The following MED1 variants were observed in gnomAD, a reference collection of about 807,000 sequenced individuals.
MED1 encodes mediator of RNA polymerase II transcription subunit 1.
A neutral mutation model predicts 121.3 loss-of-function variants in MED1; 17 were observed. That is an observed-to-expected ratio of 0.14 (90% CI 0.10 to 0.21). MED1 has a LOEUF of 0.21. MED1 is among the 10% of genes least tolerant of loss of function. The pLI, the probability that MED1 is intolerant of heterozygous loss-of-function variation, is 1.00. For missense variants in MED1, 1,558 were observed against 1,919.4 expected (o/e 0.81, Z 3.52); for synonymous variants, 661 against 694.4 (o/e 0.95, Z 0.76).
Position 39,406,513 on chromosome 17 carries a change from C to T in MED1, c.*962G>A, listed in dbSNP as rs1361205915. The T allele has an allele frequency of 1.0e-6, 1 of 984,706 alleles. No homozygotes were observed. The highest frequency in any genetic ancestry group is 4.7e-5 in the South Asian group (1 of 21,248). The allele number at this position is 984,706 out of a possible 1,614,324, so 61.0% of individuals were successfully genotyped here. On this transcript the variant is annotated 3_prime_UTR_variant, in exon 17 of 17. Transcript: ENST00000300651. ...TCAGGAAGGCTGTCCTACACTAAAC[C>T]TTACTGCATCTGAAAACATGTTTAC...
In MED1 at chr17:39,447,142, G is replaced by A. The variant is rs141281631; in HGVS notation, c.132+656C>T. Among the ~76,000 whole-genome samples, 1,405 of 152,248 alleles carry A rather than the reference G, an allele frequency of 9.2e-3. 18 individuals carry two copies. The highest frequency in any genetic ancestry group is 0.032 in the African/African-American group (1,328 of 41,546). ...GCGGTGGCTCACGCCTGTAATCCCAGCACTTTGGGAGGCGAAGGCAGGTGG... is the reference window on the plus strand; with the variant it reads ...GCGGTGGCTCACGCCTGTAATCCCAACACTTTGGGAGGCGAAGGCAGGTGG... On this transcript the variant is annotated intron_variant, in intron 2 of 16. Transcript: ENST00000300651.
intron 6 of MED1, 143 bp from the exon 7 acceptor site, chr17:39,434,463 C>CT (rs2048599476): frequency 2.1e-6 from 1 of 487,032 alleles, no homozygotes; most frequent in Non-Finnish European, 3.7e-6. Flanking sequence ...CAAAAGTTTT[C>CT]TAGCATCAAT....
intron 14 of MED1, among the ~76,000 whole-genome samples, chr17:39,417,329 C>CA (rs34616503): frequency 0.057 from 7,886 of 138,058 alleles, 659 homozygotes; most frequent in African/African-American, 0.2. Flanking sequence ...GACTCCGTCT[C>CA]AAAAAAAAAA....
chr17:39,416,509 T>C (rs1213040200), intron 14 of MED1, among the ~76,000 whole-genome samples: 1 of 152,188 alleles, frequency 6.6e-6, no homozygotes, highest in Non-Finnish European at 1.5e-5. Context: ...TGCCTCTCTA[T>C]AGGATTAGCT....
chr17:39,415,402 G>T, intron 14 of MED1, 63 bp from the exon 15 acceptor site: 2 of 1,405,550 alleles, frequency 1.4e-6, no homozygotes, highest in South Asian at 1.2e-5. Context: ...GGCTGGGCAC[G>T]GTGGCTCACG....
At chr17:39,448,668 G>C (rs2048752854) in intron 1 of MED1, among the ~76,000 whole-genome samples, 1 of 152,128 alleles carries the variant, frequency 6.6e-6, no homozygotes, top group Non-Finnish European at 1.5e-5. Flanking sequence ...CCAGCACTTT[G>C]GGAGGCCAAG....
At chr17:39,416,456 G>C (rs1392196449) in intron 14 of MED1, among the ~76,000 whole-genome samples, 1 of 152,150 alleles carries the variant, frequency 6.6e-6, no homozygotes, top group Non-Finnish European at 1.5e-5. Context: ...AGATGTGCTA[G>C]CAGCCTAGAC....
rs1277277645 is a variant in MED1, at chr17:39,404,579, A to G, written c.*2896T>C. 6.6e-6 allele frequency: 1 copy of G among 152,284 alleles called. No individual in the cohort carries two copies. Among genetic ancestry groups the G allele is most frequent in the Non-Finnish European group, 1.5e-5 (1 of 68,024 alleles). 9.4% of individuals were successfully genotyped at this position (152,284 alleles called of 1,614,324 possible). On this transcript the variant is annotated 3_prime_UTR_variant, in exon 17 of 17. Transcript: ENST00000300651. ...GATGTTAAGTACTTCCTGCCCCTCCAAAACTAACTCAAGGATAGAAATGTA... is the reference window on the plus strand; with the variant it reads ...GATGTTAAGTACTTCCTGCCCCTCCGAAACTAACTCAAGGATAGAAATGTA...
intron 13 of MED1, among the ~76,000 whole-genome samples, chr17:39,421,741 T>G (rs1458990575): frequency 6.6e-6 from 1 of 152,020 alleles, no homozygotes; most frequent in East Asian, 1.9e-4. Context: ...TCAGGATCTT[T>G]CCAGATTCTA....
chr17:39,445,751 C>T (rs1449282879), intron 2 of MED1, among the ~76,000 whole-genome samples: 2 of 152,066 alleles, frequency 1.3e-5, no homozygotes, highest in Non-Finnish European at 2.9e-5. Context: ...ACAACCTGGG[C>T]CAGGCACAGG....
At position 39,410,471 on chromosome 17, in the gene MED1, C is replaced by A; in HGVS notation, c.1750G>T (p.Asp584Tyr). The A allele has an allele frequency of 6.2e-7, 1 of 1,614,098 alleles. No homozygotes were observed. ...TLFNMSMSIKDRHESVGHGED... is the reference protein window; with the variant it reads ...TLFNMSMSIKYRHESVGHGED... ...CCATGGCCCACCGACTCATGCCGAT[C>A]TTTGATGCTCATGCTCATATTAAAC... Residue 584 changes from aspartate (D) to tyrosine (Y), a missense_variant, in exon 17 of 17, where the codon GAT (aspartate) becomes TAT (tyrosine). Transcript: ENST00000300651.
At position 39,440,535 on chromosome 17, in the gene MED1, A is replaced by G. The variant is rs1326446520; in HGVS notation, c.267-17T>C. On this transcript the variant is annotated splice_polypyrimidine_tract_variant and intron_variant, in intron 4 of 16. Transcript: ENST00000300651. This position sits in a 1 kb window ranked among gnomAD's most constrained non-coding sequence, Gnocchi z 4.1. ...GAGCCCAGTCTAGCAGGAACAAATC[A>G]AAACAAAAATTAATAGAAGACACAT... 1.2e-6 allele frequency: 2 copies of G among 1,611,960 alleles called. No individual in the cohort carries two copies. The highest frequency in any genetic ancestry group is 2.2e-5 in the South Asian group (2 of 90,436).
At chr17:39,445,174 T>C (rs949095418) in intron 2 of MED1, among the ~76,000 whole-genome samples, 2 of 152,046 alleles carry the variant, frequency 1.3e-5, no homozygotes, top group Non-Finnish European at 2.9e-5. Flanking sequence ...TGTTTTGTCA[T>C]AAATTAATAA....
intron 11 of MED1, among the ~76,000 whole-genome samples, chr17:39,424,219 G>A (rs1231514049): frequency 1.3e-5 from 2 of 152,094 alleles, no homozygotes; most frequent in Non-Finnish European, 2.9e-5. Flanking sequence ...GTATCACACA[G>A]ACACATAAGT....
intron 16 of MED1, among the ~76,000 whole-genome samples, chr17:39,411,673 G>A (rs1020555758): frequency 6.6e-6 from 1 of 151,710 alleles, no homozygotes; most frequent in African/African-American, 2.4e-5. Context: ...GGTAATTACA[G>A]GGATACATAA....
rs377557882 is a variant in MED1 at position 39,407,241 on chromosome 17, T to A, written c.*234A>T. 9.6e-6 allele frequency: 9 copies of A among 940,880 alleles called. No homozygotes were observed. Among genetic ancestry groups the A allele is most frequent in the African/African-American group, 6.2e-5 (3 of 48,624 alleles). The allele number at this position is 940,880 out of a possible 1,614,324, so 58.3% of individuals were successfully genotyped here. A position where few individuals can be genotyped will look rare whatever the true frequency, so the allele number is the denominator to read the frequency against. On this transcript the variant is annotated 3_prime_UTR_variant, in exon 17 of 17. Coordinates refer to ENST00000300651, the MANE Select transcript of MED1 (RefSeq NM_004774.4). ...CTTTCTTAAGCAAGTATTTTAACTT[T>A]CTTTCTGGCACAGGAACAAAGAAGA...
chr17:39,410,871 G>C, intron 16 of MED1, 150 bp from the exon 17 acceptor site: 2 of 1,215,794 alleles, frequency 1.6e-6, no homozygotes, highest in Non-Finnish European at 2.2e-6. Context: ...AAATACCAGA[G>C]CTTTGGGTAA....
At chr17:39,450,311 A>G (rs2048770240) in intron 1 of MED1, among the ~76,000 whole-genome samples, 1 of 152,142 alleles carries the variant, frequency 6.6e-6, no homozygotes. Flanking sequence ...CTGCTGATAA[A>G]TATCTGTACT....
In MED1 at chr17:39,419,933, C is replaced by G; in HGVS notation, c.1096-15G>C. On this transcript the variant is annotated splice_polypyrimidine_tract_variant and intron_variant, in intron 13 of 16. Transcript: ENST00000300651. ...CCAGGAAGAGCCTGGGCAAAAAGAA[C>G]AGTTAACGAGTGCTATTTAGTTACC... The G allele has an allele frequency of 6.2e-7, 1 of 1,610,244 alleles. No homozygotes were observed. Among genetic ancestry groups the G allele is most frequent in the Non-Finnish European group, 8.5e-7 (1 of 1,176,776 alleles).
Sources: allele counts gnomAD v4.1 joint callset (sites outside exome capture counted in the v4.1 genomes callset), GRCh38; gene constraint gnomAD v4.1.1; non-coding constraint Gnocchi (gnomAD v3.1); transcripts MANE v1.5; gene names NCBI Gene and HGNC (gene_info 2026-07-23, HGNC 2026-07-21).